Variants in ZNF704 observed in about 807,000 individuals in gnomAD.
ZNF704 encodes zinc finger protein 704.
A neutral mutation model predicts 44.7 loss-of-function variants in ZNF704; 10 were observed. The observed-to-expected ratio is 0.22, with a 90% CI of 0.14 to 0.38. The LOEUF (loss-of-function observed/expected upper bound fraction) is 0.38. Ranked by LOEUF, ZNF704 falls within the 10% of genes least tolerant of loss-of-function variation. The probability of loss-of-function intolerance (pLI) is 1.00; values close to 1 mark genes in which losing one functional copy is unlikely to be tolerated. For missense variants in ZNF704, 390 were observed against 545.5 expected (o/e 0.71, Z 2.84); for synonymous variants, 211 against 207.6 (o/e 1.02, Z -0.14).
intron 4 of ZNF704, among the ~76,000 whole-genome samples, chr8:80,671,783 G>A (rs1818285212): frequency 6.6e-6 from 1 of 152,106 alleles, no homozygotes; most frequent in Non-Finnish European, 1.5e-5. Flanking sequence ...ACTGAATTAG[G>A]GCTGATGGAT....
chr8:80,786,108 C>G (rs759794220), intron 2 of ZNF704, among the ~76,000 whole-genome samples: 2 of 151,992 alleles, frequency 1.3e-5, no homozygotes, highest in African/African-American at 4.8e-5. Context: ...AAAAAACCCA[C>G]AAACATTAGT....
chr8:80,648,961 TAA>T (rs1475488989), intron 7 of ZNF704, among the ~76,000 whole-genome samples: 5 of 152,154 alleles, frequency 3.3e-5, no homozygotes, highest in African/African-American at 1.2e-4. Context: ...ATGTGTGCCC[TAA>T]AATAAAGCCC....
intron 1 of ZNF704, among the ~76,000 whole-genome samples, chr8:80,866,475 A>T (rs1466831040): frequency 1.3e-5 from 2 of 152,214 alleles, no homozygotes; most frequent in East Asian, 3.9e-4. Context: ...TCAACAACAT[A>T]GATTTGGCTG....
At chr8:80,794,678 A>G (rs2129763910) in intron 2 of ZNF704, among the ~76,000 whole-genome samples, 1 of 152,334 alleles carries the variant, frequency 6.6e-6, no homozygotes, top group South Asian at 2.1e-4. Context: ...TTTGCAAACA[A>G]ATGCAGTTAA....
intron 2 of ZNF704, among the ~76,000 whole-genome samples, chr8:80,724,329 T>C (rs1806434649): frequency 6.6e-6 from 1 of 152,248 alleles, no homozygotes; most frequent in Non-Finnish European, 1.5e-5. Context: ...TATAAAAACA[T>C]TCTGGATGCA....
intron 2 of ZNF704, among the ~76,000 whole-genome samples, chr8:80,716,638 T>C (rs1173488877): frequency 6.6e-6 from 1 of 152,250 alleles, no homozygotes; most frequent in Non-Finnish European, 1.5e-5. Flanking sequence ...TTCAGAAAAC[T>C]TCTAATACAT....
At chr8:80,870,418 C>T (rs972222270) in intron 1 of ZNF704, among the ~76,000 whole-genome samples, 22 of 152,300 alleles carry the variant, frequency 1.4e-4, no homozygotes, top group African/African-American at 5.1e-4. Context: ...TCATCGGCTG[C>T]TCAGCCTACT....
rs576674545 is a variant in ZNF704, at chr8:80,672,479, G to A, written c.559-1876C>T. On this transcript the variant is annotated intron_variant, in intron 4 of 8. Transcript: ENST00000327835. ...AGACCCATGTACTTGTATGTTCATC[G>A]CAGCACTATTCACAGTAGCAAAGAC... is the stretch of plus-strand genomic sequence containing the variant. Among the ~76,000 whole-genome samples the A allele has an allele frequency of 7.2e-5, 11 of 152,306 alleles. No individual in the cohort carries two copies. In the East Asian group the frequency reaches 1.7e-3, roughly 24 times the overall value.
Position 80,631,778 on chromosome 8 carries a change from C to T in ZNF704, c.*9588G>A, listed in dbSNP as rs1365332979. The T allele has an allele frequency of 6.6e-6, 1 of 152,226 alleles. No individual in the cohort carries two copies. The highest frequency in any genetic ancestry group is 1.5e-5 in the Non-Finnish European group (1 of 68,052). The allele number at this position is 152,226 out of a possible 1,614,324, so 9.4% of individuals were successfully genotyped here. On this transcript the variant is annotated 3_prime_UTR_variant, in exon 9 of 9. Coordinates refer to ENST00000327835, the MANE Select transcript of ZNF704 (RefSeq NM_001033723.3). ...CGCTCTCCTCATGATCACCTAAAAC[C>T]GTTCAGACAGATGGAATATTTCCCC...
Position 80,668,439 on chromosome 8 carries a change from G to T in ZNF704, c.659+2064C>A, listed in dbSNP as rs116390737. Reference sequence around the variant, plus strand: ...GGGGAGGTGTCTTTGTACCGTATCAGGTCTGGCAGGGCTTGGCCTTGTGAC... The same window carrying T: ...GGGGAGGTGTCTTTGTACCGTATCATGTCTGGCAGGGCTTGGCCTTGTGAC... On this transcript the variant is annotated intron_variant, in intron 5 of 8. Transcript: ENST00000327835. Among the ~76,000 whole-genome samples, 200 of 152,332 alleles carry T rather than the reference G, an allele frequency of 1.3e-3. 1 individual carries two copies. The highest frequency in any genetic ancestry group is 4.4e-3 in the African/African-American group (183 of 41,572).
intron 2 of ZNF704, among the ~76,000 whole-genome samples, chr8:80,751,909 T>C (rs1424512278): frequency 1.3e-5 from 2 of 152,056 alleles, no homozygotes; most frequent in African/African-American, 4.8e-5. Context: ...CCCAGCTAAT[T>C]TGTGTATTTT....
chr8:80,732,848 C>T (rs755716111), intron 2 of ZNF704, among the ~76,000 whole-genome samples: 4 of 150,786 alleles, frequency 2.7e-5, no homozygotes, highest in Non-Finnish European at 5.9e-5. Flanking sequence ...CCCAGCTACT[C>T]GAGAGGCTGA....
intron 8 of ZNF704, 32 bp downstream of exon 8, chr8:80,643,003 T>C (rs749769819): frequency 2.8e-6 from 4 of 1,435,082 alleles, no homozygotes; most frequent in Admixed American, 4.1e-5. Context: ...TCCCTTGTGG[T>C]GAGGTGTGTG....
intron 2 of ZNF704, among the ~76,000 whole-genome samples, chr8:80,768,388 A>G (rs757607428): frequency 5.3e-5 from 8 of 152,168 alleles, no homozygotes; most frequent in Non-Finnish European, 8.8e-5. Flanking sequence ...GCCTGCTTCC[A>G]CCATGAGTTG....
chr8:80,733,830 T>C (rs1295677551), intron 2 of ZNF704, among the ~76,000 whole-genome samples: 2 of 152,242 alleles, frequency 1.3e-5, no homozygotes, highest in African/African-American at 4.8e-5. Context: ...CAATTCCTTT[T>C]AGTATATTTT....
intron 2 of ZNF704, among the ~76,000 whole-genome samples, chr8:80,710,497 A>G (rs894858052): frequency 4.6e-5 from 7 of 152,172 alleles, no homozygotes; most frequent in East Asian, 3.9e-4. Context: ...CAGTGATTCT[A>G]TCTCCACAAT....
At chr8:80,834,193 CA>C (rs1156993695) in intron 1 of ZNF704, among the ~76,000 whole-genome samples, 1 of 141,404 alleles carries the variant, frequency 7.1e-6, no homozygotes, top group African/African-American at 3.0e-5. Flanking sequence ...GACCCTGACT[CA>C]AAAAAATAAT....
intron 6 of ZNF704, 115 bp from the exon 7 acceptor site, chr8:80,659,804 G>T: frequency 1.2e-6 from 1 of 851,748 alleles, no homozygotes; most frequent in Non-Finnish European, 1.9e-6. Context: ...TAATAACTTG[G>T]ACTAATTATC....
At chr8:80,782,809 C>T (rs773792368) in intron 2 of ZNF704, among the ~76,000 whole-genome samples, 5 of 152,054 alleles carry the variant, frequency 3.3e-5, no homozygotes, top group Non-Finnish European at 7.4e-5. Context: ...CTCAAGGATA[C>T]CAAAATCCTC....
Sources: gnomAD v4.1 joint callset for allele counts (sites outside exome capture counted in the v4.1 genomes callset) on GRCh38, gnomAD v4.1.1 for gene constraint, MANE v1.5 for transcripts, NCBI Gene and HGNC (gene_info 2026-07-23, HGNC 2026-07-21) for gene names.